Variants in CNIH3 observed in about 807,000 individuals in gnomAD.
The protein encoded by CNIH3 is protein cornichon homolog 3.
In CNIH3, 14 loss-of-function variants were observed where a neutral mutation model predicts 24.1. The observed-to-expected ratio is 0.58, with a 90% confidence interval of 0.38 to 0.91. The LOEUF is 0.91. Among genes scored for constraint, CNIH3 ranks in the 40% least tolerant of loss-of-function variants. The pLI is 0.00. For synonymous variants in CNIH3, 68 were observed against 73.8 expected (o/e 0.92, Z 0.40); for missense variants, 178 against 196.8 (o/e 0.90, Z 0.57).
chr1:224,739,507 C>A lies in CNIH3; in HGVS notation c.*151C>A. The stretch of plus-strand genomic sequence containing the variant: ...TCAGACTGAATGGGAGCTGGAATCA[C>A]GCAGCAGCTGGGAGCCGAGTTAACC... On this transcript the variant is annotated 3_prime_UTR_variant, in exon 6 of 6. Coordinates refer to ENST00000272133, the MANE Select transcript of CNIH3 (RefSeq NM_152495.2). The A allele has an allele frequency of 2.8e-6, 4 of 1,441,854 alleles. No individual in the cohort carries two copies. Among genetic ancestry groups the A allele is most frequent in the African/African-American group, 1.4e-5 (1 of 69,748 alleles). 89.3% of individuals were successfully genotyped at this position (1,441,854 alleles called of 1,614,324 possible).
At position 224,482,429 on chromosome 1, in the gene CNIH3, C is replaced by A. The variant is rs948558348; in HGVS notation, n.204-33312C>A. Among the ~76,000 whole-genome samples the A allele has an allele frequency of 2.0e-5, 3 of 152,164 alleles. No individual in the cohort carries two copies. In the South Asian group the frequency reaches 6.2e-4, roughly 32 times the overall value. On this transcript the variant is annotated intron_variant and non_coding_transcript_variant, in intron 1 of 5. Coordinates refer to the CNIH3 transcript ENST00000471578. ...GATTACCACTGCTGATTATTCAGGG[C>A]TCAAGGGCTCTTTAGTCAGCAGATG...
chr1:224,448,199 T>C (rs1453010185), intron 1 of CNIH3, among the ~76,000 whole-genome samples: 3 of 152,090 alleles, frequency 2.0e-5, no homozygotes, highest in Admixed American at 1.3e-4. Context: ...ATCGTGCCAC[T>C]GTACTCCAGC....
At chr1:224,576,789 A>G (rs1275159372) in intron 4 of CNIH3, among the ~76,000 whole-genome samples, 1 of 152,212 alleles carries the variant, frequency 6.6e-6, no homozygotes, top group Non-Finnish European at 1.5e-5. Flanking sequence ...AAACAAATCT[A>G]GAGACATCAC....
intron 1 of CNIH3, among the ~76,000 whole-genome samples, chr1:224,646,919 A>G (rs58715712): frequency 0.16 from 24,596 of 152,218 alleles, 2,074 homozygotes; most frequent in African/African-American, 0.2. Context: ...TGTGGCCTCA[A>G]GAGGAAATGA....
intron 3 of CNIH3, among the ~76,000 whole-genome samples, chr1:224,725,803 T>C (rs1361365773): frequency 6.6e-6 from 1 of 152,178 alleles, no homozygotes; most frequent in Non-Finnish European, 1.5e-5. Flanking sequence ...CATTATTCCC[T>C]TGCTTCAACT....
chr1:224,678,847 G>A (rs572552336), intron 1 of CNIH3, among the ~76,000 whole-genome samples: 1 of 152,196 alleles, frequency 6.6e-6, no homozygotes, highest in South Asian at 2.1e-4. Flanking sequence ...AGAGGCTACT[G>A]TAGTGGAGAG....
chr1:224,560,586 G>A (rs950676208), intron 3 of CNIH3, among the ~76,000 whole-genome samples: 7 of 151,998 alleles, frequency 4.6e-5, no homozygotes, highest in Admixed American at 1.3e-4. Context: ...TCATAGGAGC[G>A]TGAACCCTAT....
intron 3 of CNIH3, among the ~76,000 whole-genome samples, chr1:224,700,165 T>G (rs1392699965): frequency 1.3e-5 from 2 of 152,190 alleles, no homozygotes; most frequent in African/African-American, 4.8e-5. Context: ...TGGAGGCCAC[T>G]AATAAAACCC....
intron 1 of CNIH3, among the ~76,000 whole-genome samples, chr1:224,669,256 C>T (rs1045687755): frequency 6.6e-6 from 1 of 152,138 alleles, no homozygotes; most frequent in Non-Finnish European, 1.5e-5. Context: ...AGATGGGAAC[C>T]AGGGAAGCTA....
At position 224,458,315 on chromosome 1, in the gene CNIH3, A is replaced by G. The variant is rs1232228849; in HGVS notation, n.203+23453A>G. ...GGGAAGGCAGCAGTGCTCTGTCAGT[A>G]TTGATTCTTCAGGGGCAGGCTGCCC... On this transcript the variant is annotated intron_variant and non_coding_transcript_variant, in intron 1 of 5. Transcript: ENST00000471578. The surrounding 1 kb of genome is among the most constrained non-coding windows in gnomAD (Gnocchi z 4.3). Among the ~76,000 whole-genome samples the G allele has an allele frequency of 6.6e-6, 1 of 152,164 alleles. No homozygotes were observed. Among genetic ancestry groups the G allele is most frequent in the African/African-American group, 2.4e-5 (1 of 41,434 alleles).
intron 3 of CNIH3, among the ~76,000 whole-genome samples, chr1:224,602,629 A>G (rs1411758209): frequency 6.6e-6 from 1 of 152,234 alleles, no homozygotes; most frequent in Non-Finnish European, 1.5e-5. Flanking sequence ...GAGAAAACCA[A>G]ATAGAAGTGT....
chr1:224,469,978 A>G (rs1249937152), intron 1 of CNIH3, among the ~76,000 whole-genome samples: 3 of 151,966 alleles, frequency 2.0e-5, no homozygotes, highest in Admixed American at 2.0e-4. Flanking sequence ...AACTGGGTGT[A>G]TAATTTAAAC....
At chr1:224,495,197 T>A (rs1677387234) in intron 1 of CNIH3, among the ~76,000 whole-genome samples, 1 of 152,216 alleles carries the variant, frequency 6.6e-6, no homozygotes, top group Non-Finnish European at 1.5e-5. Context: ...CCTCCTCATG[T>A]AAGGACTTGA....
intron 3 of CNIH3, among the ~76,000 whole-genome samples, chr1:224,564,569 G>A (rs1356069839): frequency 6.6e-6 from 1 of 152,228 alleles, no homozygotes; most frequent in African/African-American, 2.4e-5. Context: ...AACTTGAAGA[G>A]GATGAGAAAT....
At chr1:224,636,130 C>A (rs973300161) in intron 1 of CNIH3, among the ~76,000 whole-genome samples, 4 of 152,138 alleles carry the variant, frequency 2.6e-5, no homozygotes, top group African/African-American at 7.2e-5. Flanking sequence ...GCTGTGGCAC[C>A]CCGTTGTTAG....
intron 1 of CNIH3, among the ~76,000 whole-genome samples, chr1:224,638,267 G>A (rs1684189758): frequency 6.6e-6 from 1 of 152,248 alleles, no homozygotes; most frequent in South Asian, 2.1e-4. Context: ...GTCAGCAGAG[G>A]ATTCAGGTGA....
At chr1:224,449,171 G>A (rs1675285848) in intron 1 of CNIH3, among the ~76,000 whole-genome samples, 1 of 151,610 alleles carries the variant, frequency 6.6e-6, no homozygotes. Flanking sequence ...TCACCATATT[G>A]GCCAGGATGG....
intron 3 of CNIH3, among the ~76,000 whole-genome samples, chr1:224,714,848 A>G (rs1026886838): frequency 6.6e-6 from 1 of 152,226 alleles, no homozygotes; most frequent in Non-Finnish European, 1.5e-5. Context: ...TCCCCAGCTT[A>G]TAAATGGTTG....
intron 1 of CNIH3, among the ~76,000 whole-genome samples, chr1:224,520,518 G>A (rs1382009533): frequency 6.6e-6 from 1 of 152,230 alleles, no homozygotes; most frequent in Non-Finnish European, 1.5e-5. Context: ...ATATGTAAGA[G>A]TTAGATTGAA....
Sources: allele counts gnomAD v4.1 joint callset (sites outside exome capture counted in the v4.1 genomes callset), GRCh38; gene constraint gnomAD v4.1.1; non-coding constraint Gnocchi (gnomAD v3.1); transcripts MANE v1.5; gene names NCBI Gene and HGNC (gene_info 2026-07-23, HGNC 2026-07-21).